SEMA4B: variants seen among roughly 807,000 people sequenced by gnomAD.
SEMA4B encodes the protein semaphorin-4B.
Under a neutral mutation model 88.1 loss-of-function variants are expected in SEMA4B, and 55 were observed. That is an observed-to-expected ratio of 0.62 (90% confidence interval 0.50 to 0.78). SEMA4B has a LOEUF of 0.78. Among genes scored for constraint, SEMA4B ranks in the 30% least tolerant of loss-of-function variants. The probability of loss-of-function intolerance (pLI) is 0.00; values close to 1 mark genes in which losing one functional copy is unlikely to be tolerated. For synonymous variants in SEMA4B, 525 were observed against 473.6 expected (o/e 1.11, Z -1.41); for missense variants, 1,062 against 1,111.9 (o/e 0.96, Z 0.64).
chr15:90,198,192 C>T (rs897138492), upstream of SEMA4B, among the ~76,000 whole-genome samples: 11 of 152,268 alleles, frequency 7.2e-5, no homozygotes, highest in African/African-American at 2.6e-4. Context: ...GCTGGGATTA[C>T]AGGCGTGAGC....
chr15:90,192,716 G>A (rs1218472536), intron 1 of SEMA4B, among the ~76,000 whole-genome samples: 2 of 149,522 alleles, frequency 1.3e-5, no homozygotes, highest in Admixed American at 6.7e-5. Flanking sequence ...TCAGCCTCCC[G>A]AGTAGCAGGG....
intron 1 of SEMA4B, chr15:90,206,685 C>G (rs922846256): frequency 4.3e-6 from 3 of 705,124 alleles, no homozygotes; most frequent in Non-Finnish European, 7.6e-6. Context: ...CGCAAAGCTA[C>G]CAAAGCCTTA....
upstream of SEMA4B, among the ~76,000 whole-genome samples, chr15:90,199,762 G>A (rs576526301): frequency 1.3e-5 from 2 of 152,180 alleles, no homozygotes; most frequent in South Asian, 4.1e-4. Context: ...GAAGGCAGAG[G>A]TTGCAGTGAG....
At chr15:90,227,171 C>A in intron 12 of SEMA4B, 1 of 203,134 alleles carries the variant, frequency 4.9e-6, no homozygotes, top group Non-Finnish European at 1.0e-5. Flanking sequence ...CCTCAGCCTC[C>A]TGAGCAGGTG....
chr15:90,219,771 T>C lies in SEMA4B; in HGVS notation c.385-22T>C, dbSNP rs532240843. On this transcript the variant is annotated intron_variant, in intron 3 of 13. Coordinates refer to ENST00000411539, the MANE Select transcript of SEMA4B (RefSeq NM_198925.4). ...GGCATGCTTGGGCGTGGGACTGATA[T>C]CCCCTCGCTCCTTCCCCCCAGCGCG... 22 of 1,595,646 alleles carry C rather than the reference T, an allele frequency of 1.4e-5. No individual in the cohort carries two copies. In the Admixed American group the frequency reaches 3.0e-4, roughly 22 times the overall value.
In SEMA4B at chr15:90,227,659, A is replaced by G; in HGVS notation, c.1774+17A>G. On this transcript the variant is annotated intron_variant, in intron 13 of 13. Transcript: ENST00000411539. ...TACCAACAGGTGAGGTGCCCCCTCA[A>G]AAGGTGGAGGAGAGAGGTGGGGACA... 6.2e-7 allele frequency: 1 copy of G among 1,613,172 alleles called. No individual in the cohort carries two copies. The highest frequency in any genetic ancestry group is 1.3e-5 in the African/African-American group (1 of 75,030).
At chr15:90,207,046 G>T in intron 1 of SEMA4B, 1 of 355,400 alleles carries the variant, frequency 2.8e-6, no homozygotes, top group South Asian at 2.6e-5. Flanking sequence ...GCTCACCATC[G>T]ACCCTCTTCT....
intron 1 of SEMA4B, chr15:90,214,950 A>G (rs770520761): frequency 3.6e-4 from 461 of 1,275,776 alleles, no homozygotes; most frequent in Non-Finnish European, 4.6e-4. Flanking sequence ...GGGGGTATGT[A>G]AAAACACTCC....
rs2151607080 is a variant in SEMA4B at position 90,212,092 on chromosome 15, C to T, written c.158-5347C>T. Among the ~76,000 whole-genome samples, 1 of 152,020 alleles carries T rather than the reference C, an allele frequency of 6.6e-6. No individual in the cohort carries two copies. The highest frequency in any genetic ancestry group is 1.9e-4 in the East Asian group (1 of 5,158). Reference sequence around the variant, plus strand: ...CGGCTGAGTCACAGGGAAGGAGGACCCTTACATGGGGCTGAGGGCTGAGTA... The same window carrying T: ...CGGCTGAGTCACAGGGAAGGAGGACTCTTACATGGGGCTGAGGGCTGAGTA... On this transcript the variant is annotated intron_variant, in intron 1 of 13. Transcript: ENST00000411539. The surrounding 1 kb of genome is among the most constrained non-coding windows in gnomAD (Gnocchi z 4.0).
chr15:90,192,586 C>CTTTTTTTTT (rs67328606), intron 1 of SEMA4B, among the ~76,000 whole-genome samples: 7 of 88,660 alleles, frequency 7.9e-5, no homozygotes, highest in African/African-American at 2.7e-4. Flanking sequence ...TCCCTTGTAG[C>CTTTTTTTTT]TTTTTTTTTT....
chr15:90,201,717 C>G lies in SEMA4B; in HGVS notation c.139C>G (p.Arg47Gly). The G allele has an allele frequency of 6.7e-7, 1 of 1,487,788 alleles. No homozygotes were observed. The highest frequency in any genetic ancestry group is 8.9e-7 in the Non-Finnish European group (1 of 1,124,030). 92.2% of individuals were successfully genotyped at this position (1,487,788 alleles called of 1,614,324 possible). A position where few individuals can be genotyped will look rare whatever the true frequency, so the allele number is the denominator to read the frequency against. Residue 47 changes from arginine to glycine, a missense_variant, in exon 1 of 14, where the codon CGG becomes GGG. Physicochemically the swap from Arg to Gly is moderately radical, Grantham distance 125. Transcript: ENST00000411539. ...GCCTCCGACCTGGGCGCTCAGCCCC[C>G]GGATCAGCCTGCCTCTGGGTGAGTG... is the stretch of plus-strand genomic sequence containing the variant. ...PPPPTWALSPRISLPLGSEER... is the reference protein window; with the variant it reads ...PPPPTWALSPGISLPLGSEER...
intron 1 of SEMA4B, among the ~76,000 whole-genome samples, chr15:90,211,580 A>G (rs892406421): frequency 2.0e-5 from 3 of 152,112 alleles, no homozygotes; most frequent in African/African-American, 7.2e-5. Context: ...AAGGAAGTGC[A>G]CCCAGGTTGG....
intron 11 of SEMA4B, 29 bp from the exon 12 acceptor site, chr15:90,225,632 G>A (rs369270198): frequency 1.5e-5 from 24 of 1,551,780 alleles, no homozygotes; most frequent in South Asian, 5.9e-5. Context: ...GCCCATGCCC[G>A]CTTCTCATCC....
intron 1 of SEMA4B, 104 bp downstream of exon 1, chr15:90,201,839 C>A (rs1444964520): frequency 3.5e-6 from 4 of 1,142,738 alleles, no homozygotes; most frequent in Non-Finnish European, 3.5e-6. Flanking sequence ...GGGGACCTGT[C>A]GGAGGCACGG....
intron 1 of SEMA4B, among the ~76,000 whole-genome samples, chr15:90,188,506 T>C (rs1407805552): frequency 6.6e-6 from 1 of 151,606 alleles, no homozygotes; most frequent in Non-Finnish European, 1.5e-5. Context: ...CGCATGCCTG[T>C]AATCCCAGCT....
At chr15:90,198,679 G>T (rs546215998), upstream of SEMA4B, among the ~76,000 whole-genome samples, 161 of 152,220 alleles carry the variant, frequency 1.1e-3, 1 homozygote, top group African/African-American at 3.0e-3. Context: ...CAAAGGCCCT[G>T]CTGGTTCGGG....
At chr15:90,224,098 A>G (rs1962019060) in intron 9 of SEMA4B, 110 bp downstream of exon 9, 1 of 1,044,842 alleles carries the variant, frequency 9.6e-7, no homozygotes, top group African/African-American at 1.6e-5. Flanking sequence ...GCTTCTCTGA[A>G]TCTCTTTTCT....
At chr15:90,186,902 C>T (rs1441946784) in intron 1 of SEMA4B, among the ~76,000 whole-genome samples, 1 of 152,018 alleles carries the variant, frequency 6.6e-6, no homozygotes, top group Non-Finnish European at 1.5e-5. Context: ...CACTGCACTC[C>T]AGCCTGGGCG....
In SEMA4B at chr15:90,206,749, G is replaced by GT. The variant is rs922129451; in HGVS notation, c.157+5015dup. 1.4e-5 allele frequency: 11 copies of GT among 771,972 alleles called. No homozygotes were observed. In the African/African-American group the frequency reaches 1.9e-4, roughly 13 times the overall value. 47.8% of individuals were successfully genotyped at this position (771,972 alleles called of 1,614,324 possible). A position where few individuals can be genotyped will look rare whatever the true frequency, so the allele number is the denominator to read the frequency against. On this transcript the variant is annotated intron_variant, in intron 1 of 13. Coordinates refer to ENST00000411539, the MANE Select transcript of SEMA4B (RefSeq NM_198925.4). Reference sequence around the variant, plus strand: ...TTGCATCCAACGGTGATGAGACTGTGTATGTCAAGTTGGTGGAAGCCCTTT... The same window carrying GT: ...TTGCATCCAACGGTGATGAGACTGTGTTATGTCAAGTTGGTGGAAGCCCTTT...
Sources: gnomAD v4.1 joint callset for allele counts (sites outside exome capture counted in the v4.1 genomes callset) on GRCh38, gnomAD v4.1.1 for gene constraint, Gnocchi (gnomAD v3.1) non-coding constraint, MANE v1.5 for transcripts, NCBI Gene and HGNC (gene_info 2026-07-23, HGNC 2026-07-21) for gene names.